STRADA: variants seen among roughly 807,000 people sequenced by gnomAD.
STRADA encodes STE20-related kinase adapter protein alpha.
STRADA carries 26 observed loss-of-function variants against 55.0 expected under a neutral mutation model. The ratio of observed to expected loss-of-function variants is 0.47; its 90% CI spans 0.35 to 0.66. The LOEUF (loss-of-function observed/expected upper bound fraction) is 0.66, where lower values mean the gene tolerates loss of function less well. STRADA is among the 30% of genes least tolerant of loss of function. STRADA has a pLI of 0.01. For synonymous variants in STRADA, 197 were observed against 210.9 expected, an observed-to-expected ratio of 0.93 and a Z score of 0.57; for missense variants, 443 against 549.7, an observed-to-expected ratio of 0.81 and a Z score of 1.94.
chr17:63,733,448 T>G (rs1053300798), intron 1 of STRADA, among the ~76,000 whole-genome samples: 1 of 152,220 alleles, frequency 6.6e-6, no homozygotes. Context: ...TTTATCTTAT[T>G]TTTCATCTCA....
In STRADA at chr17:63,740,143, TATATACAC is replaced by T. The variant is rs1257968913; in HGVS notation, c.-45+1590_-45+1597del. ...ATATATATATACACATACATATATA[TATATACAC>T]ACACACACACACACACACACACACA... On this transcript the variant is annotated intron_variant, in intron 1 of 12. Transcript: ENST00000336174. 9.7e-4 allele frequency among the ~76,000 whole-genome samples: 45 copies of T among 46,594 alleles called. 2 individuals carry two copies. In the South Asian group the frequency reaches 0.011, roughly 12 times the overall value. The allele number at this position is 46,594 out of a possible 152,430, so 30.6% of individuals were successfully genotyped here.
intron 4 of STRADA, among the ~76,000 whole-genome samples, chr17:63,719,506 CAG>C (rs2037137839): frequency 6.7e-6 from 1 of 149,180 alleles, no homozygotes; most frequent in South Asian, 2.1e-4. Flanking sequence ...TTTTTTGAGA[CAG>C]AGTCTCGCTC....
chr17:63,712,333 A>G (rs1334281666), intron 6 of STRADA: 1 of 152,116 alleles, frequency 6.6e-6, no homozygotes, highest in Non-Finnish European at 1.5e-5. Flanking sequence ...TTGCCCTCCC[A>G]AAGTGTTGGG....
chr17:63,709,331 T>A (rs1288029438), intron 8 of STRADA, among the ~76,000 whole-genome samples: 1 of 152,220 alleles, frequency 6.6e-6, no homozygotes, highest in Non-Finnish European at 1.5e-5. Flanking sequence ...TGTTTTTCAT[T>A]TGCTTTTCTC....
intron 3 of STRADA, among the ~76,000 whole-genome samples, chr17:63,724,820 C>T (rs1217133284): frequency 6.6e-6 from 1 of 152,106 alleles, no homozygotes; most frequent in East Asian, 1.9e-4. Flanking sequence ...TACTGTGCAT[C>T]TAACTAATTC....
intron 1 of STRADA, among the ~76,000 whole-genome samples, chr17:63,735,004 T>C (rs557695477): frequency 6.6e-6 from 1 of 152,020 alleles, no homozygotes; most frequent in Admixed American, 6.5e-5. Context: ...ATAAAAAATA[T>C]AAAAATTAGG....
chr17:63,740,582 G>A (rs956205302), intron 1 of STRADA, among the ~76,000 whole-genome samples: 4 of 152,120 alleles, frequency 2.6e-5, no homozygotes, highest in African/African-American at 9.7e-5. Context: ...AACTTCCTAC[G>A]TGTCAGGCAC....
chr17:63,732,427 C>T (rs1476353009), intron 1 of STRADA, among the ~76,000 whole-genome samples: 1 of 152,048 alleles, frequency 6.6e-6, no homozygotes, highest in Admixed American at 6.6e-5. Flanking sequence ...TCAAGCAATC[C>T]TCCTACCTCA....
chr17:63,735,222 G>A (rs1598272483), intron 1 of STRADA, among the ~76,000 whole-genome samples: 1 of 152,160 alleles, frequency 6.6e-6, no homozygotes, highest in South Asian at 2.1e-4. Context: ...AATCAATAAG[G>A]TTAAAACATG....
chr17:63,738,458 G>A (rs2038617249), intron 1 of STRADA, among the ~76,000 whole-genome samples: 1 of 152,078 alleles, frequency 6.6e-6, no homozygotes, highest in Admixed American at 6.6e-5. Context: ...GAAAAATAAG[G>A]AGAAGCTTCA....
chr17:63,706,314 G>A, intron 10 of STRADA: 1 of 208,128 alleles, frequency 4.8e-6, no homozygotes, highest in East Asian at 1.1e-4. Flanking sequence ...CCAAGTAGGA[G>A]GACAGAACAT....
At chr17:63,724,923 C>G (rs899335425) in intron 3 of STRADA, among the ~76,000 whole-genome samples, 1 of 152,106 alleles carries the variant, frequency 6.6e-6, no homozygotes, top group Non-Finnish European at 1.5e-5. Context: ...TATCACTAGT[C>G]CAGAAATTCT....
intron 10 of STRADA, chr17:63,704,979 T>C (rs2035986694): frequency 2.1e-6 from 3 of 1,411,248 alleles, no homozygotes; most frequent in African/African-American, 1.4e-5. Context: ...GTGGATCCGA[T>C]GAGGTCTGAG....
At chr17:63,706,760 C>T (rs749177043) in intron 9 of STRADA, 21 bp from the exon 10 acceptor site, 2 of 1,579,854 alleles carry the variant, frequency 1.3e-6, no homozygotes, top group African/African-American at 1.3e-5. Context: ...AAAAAAAGGC[C>T]ACAGATTACC....
In STRADA at chr17:63,740,127, T is replaced by TATATAC. The variant is rs1246578359; in HGVS notation, c.-45+1613_-45+1614insGTATAT. On this transcript the variant is annotated intron_variant, in intron 1 of 12. Transcript: ENST00000336174. ...ATATATACATACATACATATATATA[T>TATATAC]ACACATACATATATATATATACACA... is the stretch of plus-strand genomic sequence containing the variant. 1.3e-3 allele frequency among the ~76,000 whole-genome samples: 71 copies of TATATAC among 53,108 alleles called. 1 individual carries two copies. Among genetic ancestry groups the TATATAC allele is most frequent in the Middle Eastern group, 0.01 (1 of 100 alleles). The allele number at this position is 53,108 out of a possible 152,430, so 34.8% of individuals were successfully genotyped here. A position where few individuals can be genotyped will look rare whatever the true frequency, so the allele number is the denominator to read the frequency against.
chr17:63,704,852 C>A (rs1251327895), intron 10 of STRADA: 2 of 1,535,856 alleles, frequency 1.3e-6, no homozygotes, highest in Non-Finnish European at 8.7e-7. Flanking sequence ...GCAGGGCTCA[C>A]AGTTTCCGCT....
chr17:63,718,745 C>T (rs2037081014), intron 4 of STRADA: 1 of 152,194 alleles, frequency 6.6e-6, no homozygotes, highest in African/African-American at 2.4e-5. Flanking sequence ...ACCCTCCTAG[C>T]CTCCTCCTTC....
chr17:63,714,728 C>T (rs1323294632), intron 4 of STRADA, among the ~76,000 whole-genome samples: 1 of 152,176 alleles, frequency 6.6e-6, no homozygotes, highest in East Asian at 1.9e-4. Context: ...GCTGACATGG[C>T]CTGCTCCCTC....
intron 10 of STRADA, chr17:63,705,714 A>G (rs2036040294): frequency 6.6e-6 from 1 of 152,264 alleles, no homozygotes; most frequent in African/African-American, 2.4e-5. Flanking sequence ...GAAGCACTGC[A>G]CCTTGGCCAT....
Sources: gnomAD v4.1 joint callset for allele counts (sites outside exome capture counted in the v4.1 genomes callset) on GRCh38, gnomAD v4.1.1 for gene constraint, MANE v1.5 for transcripts, NCBI Gene and HGNC (gene_info 2026-07-23, HGNC 2026-07-21) for gene names.